The following ZNF385D variants were observed in gnomAD, a reference collection of about 807,000 sequenced individuals.
ZNF385D encodes the protein zinc finger protein 659.
In ZNF385D, 15 loss-of-function variants were observed where a neutral mutation model predicts 35.8. That is an observed-to-expected ratio of 0.42 (90% confidence interval 0.28 to 0.64). The LOEUF (loss-of-function observed/expected upper bound fraction) is 0.64. Among genes scored for constraint, ZNF385D ranks in the 30% least tolerant of loss-of-function variants. The probability of loss-of-function intolerance (pLI) is 0.23; values close to 1 mark genes in which losing one functional copy is unlikely to be tolerated. For missense variants in ZNF385D, 474 were observed against 494.6 expected (o/e 0.96, Z 0.39); for synonymous variants, 212 against 186.8 (o/e 1.13, Z -1.10).
At chr3:22,163,019 T>C (rs903328508) in intron 3 of ZNF385D, among the ~76,000 whole-genome samples, 1 of 152,062 alleles carries the variant, frequency 6.6e-6, no homozygotes, top group African/African-American at 2.4e-5. Flanking sequence ...AACAGAGACA[T>C]CAGCAAATCT....
chr3:21,672,516 T>C (rs1285068234), intron 1 of ZNF385D, among the ~76,000 whole-genome samples: 1 of 151,924 alleles, frequency 6.6e-6, no homozygotes, highest in Non-Finnish European at 1.5e-5. Flanking sequence ...GAGGTGAGAA[T>C]GGGAGTATGA....
At chr3:22,165,256 G>C (rs1434583479) in intron 3 of ZNF385D, among the ~76,000 whole-genome samples, 1 of 152,160 alleles carries the variant, frequency 6.6e-6, no homozygotes, top group Non-Finnish European at 1.5e-5. Context: ...TGTGAAGGAG[G>C]GGATATATGG....
rs770457352 is a variant in ZNF385D, at chr3:21,750,888, C to G, written c.22+7G>C. On this transcript the variant is annotated splice_region_variant and intron_variant, in intron 1 of 7. Transcript: ENST00000281523. ...CCCAGAATTACATCATCAGAGTGAA[C>G]ACTCACCAAAATACATTATGTTTCT... 6.2e-7 allele frequency: 1 copy of G among 1,614,142 alleles called. No individual in the cohort carries two copies. The highest frequency in any genetic ancestry group is 8.5e-7 in the Non-Finnish European group (1 of 1,180,012).
intron 2 of ZNF385D, among the ~76,000 whole-genome samples, chr3:21,609,753 G>C (rs901096123): frequency 1.3e-5 from 2 of 152,140 alleles, no homozygotes; most frequent in Admixed American, 6.5e-5. Flanking sequence ...AAGAGTGTGT[G>C]TTCCTTGACA....
intron 3 of ZNF385D, among the ~76,000 whole-genome samples, chr3:21,943,487 T>C (rs1701633168): frequency 6.6e-6 from 1 of 151,910 alleles, no homozygotes; most frequent in Non-Finnish European, 1.5e-5. Flanking sequence ...ATCTACTAAT[T>C]ATAATATATT....
intron 4 of ZNF385D, among the ~76,000 whole-genome samples, chr3:21,490,818 C>T (rs1340748683): frequency 1.4e-5 from 2 of 140,586 alleles, no homozygotes; most frequent in African/African-American, 5.4e-5. Context: ...TACAGTGATA[C>T]CTCATTTCAA....
In ZNF385D at chr3:21,728,053, G is replaced by A. The variant is rs539813635; in HGVS notation, c.22+22842C>T. ...ACACAGGAACAGAAAACCAAACACC[G>A]CATGTTCTCACTCATACGTGGGAGT... On this transcript the variant is annotated intron_variant, in intron 1 of 7. Transcript: ENST00000281523. 8.4e-4 allele frequency among the ~76,000 whole-genome samples: 128 copies of A among 151,936 alleles called. 1 individual carries two copies. Among genetic ancestry groups the A allele is most frequent in the African/African-American group, 2.7e-3 (110 of 41,432 alleles).
intron 2 of ZNF385D, among the ~76,000 whole-genome samples, chr3:21,639,260 A>G (rs2065532523): frequency 6.6e-6 from 1 of 151,922 alleles, no homozygotes. Flanking sequence ...TCACTTGCTT[A>G]TTTATTTATT....
intron 3 of ZNF385D, among the ~76,000 whole-genome samples, chr3:22,043,433 A>G (rs963563896): frequency 9.8e-5 from 15 of 152,312 alleles, no homozygotes; most frequent in African/African-American, 3.6e-4. Flanking sequence ...TGCATTTTAA[A>G]CATGATTCTA....
intron 2 of ZNF385D, among the ~76,000 whole-genome samples, chr3:21,592,203 C>G (rs570866607): frequency 1.3e-5 from 2 of 152,164 alleles, no homozygotes; most frequent in Non-Finnish European, 2.9e-5. Flanking sequence ...TTATCTAAAC[C>G]AAACACCTAT....
intron 2 of ZNF385D, among the ~76,000 whole-genome samples, chr3:21,619,684 G>C (rs1212994157): frequency 6.6e-6 from 1 of 152,128 alleles, no homozygotes; most frequent in East Asian, 1.9e-4. Context: ...TGTAAAATCT[G>C]CAGCAGCTTT....
intron 3 of ZNF385D, among the ~76,000 whole-genome samples, chr3:22,149,652 A>G (rs1705095905): frequency 6.6e-6 from 1 of 152,178 alleles, no homozygotes; most frequent in South Asian, 2.1e-4. Context: ...TATCTGAGAT[A>G]TAGGCTATTT....
intron 3 of ZNF385D, among the ~76,000 whole-genome samples, chr3:21,883,391 T>C (rs17009918): frequency 0.057 from 8,684 of 152,084 alleles, 390 homozygotes; most frequent in South Asian, 0.17. Context: ...GACAAATGTC[T>C]CACCAAATTG....
At chr3:22,144,483 A>G (rs755296725) in intron 3 of ZNF385D, among the ~76,000 whole-genome samples, 1 of 148,502 alleles carries the variant, frequency 6.7e-6, no homozygotes, top group Non-Finnish European at 1.5e-5. Flanking sequence ...CTAAGGCAGG[A>G]AATTGCTTGA....
At chr3:22,201,621 C>T (rs541113308) in intron 2 of ZNF385D, among the ~76,000 whole-genome samples, 3 of 152,036 alleles carry the variant, frequency 2.0e-5, no homozygotes, top group Middle Eastern at 6.8e-3. Flanking sequence ...AAAACATTGC[C>T]TTGAGATGTT....
At chr3:22,325,552 C>T (rs943243798) in intron 2 of ZNF385D, among the ~76,000 whole-genome samples, 1 of 151,988 alleles carries the variant, frequency 6.6e-6, no homozygotes, top group Non-Finnish European at 1.5e-5. Context: ...TCATTTGAGG[C>T]CAGGAGTTCG....
chr3:22,198,418 G>A (rs1355345376), intron 2 of ZNF385D, among the ~76,000 whole-genome samples: 2 of 152,050 alleles, frequency 1.3e-5, no homozygotes, highest in Admixed American at 1.3e-4. Flanking sequence ...AAGCATTGTG[G>A]AAGAAAGCTC....
intron 2 of ZNF385D, among the ~76,000 whole-genome samples, chr3:21,605,249 A>G (rs748191058): frequency 9.2e-5 from 14 of 152,172 alleles, no homozygotes; most frequent in Non-Finnish European, 1.6e-4. Context: ...CACACAAGAT[A>G]TGTGAGCCCC....
intron 3 of ZNF385D, among the ~76,000 whole-genome samples, chr3:22,089,444 C>T (rs1252471369): frequency 5.3e-5 from 8 of 152,192 alleles, no homozygotes; most frequent in African/African-American, 1.9e-4. Flanking sequence ...TTTCCTGGTA[C>T]CTGTGAGTTC....
Sources: allele counts gnomAD v4.1 joint callset (sites outside exome capture counted in the v4.1 genomes callset), GRCh38; gene constraint gnomAD v4.1.1; transcripts MANE v1.5; gene names NCBI Gene and HGNC (gene_info 2026-07-23, HGNC 2026-07-21).